MTREX: variants seen among roughly 807,000 people sequenced by gnomAD.
The protein encoded by MTREX is Mtr4 exosome RNA helicase.
A neutral mutation model predicts 135.4 loss-of-function variants in MTREX; 76 were observed. The ratio of observed to expected loss-of-function variants is 0.56; its 90% CI spans 0.47 to 0.68. The LOEUF is 0.68. Among genes scored for constraint, MTREX ranks in the 30% least tolerant of loss-of-function variants. The pLI is 0.00. For synonymous variants in MTREX, 404 were observed against 401.6 expected, an observed-to-expected ratio of 1.01 and a Z score of -0.07; for missense variants, 920 against 1,262.1, an observed-to-expected ratio of 0.73 and a Z score of 4.11.
chr5:55,341,964 TGATCCTAGGTAG>T (rs897559031), intron 7 of MTREX, among the ~76,000 whole-genome samples, 193 bp downstream of exon 7: 2 of 152,316 alleles, frequency 1.3e-5, no homozygotes, highest in African/African-American at 4.8e-5. Flanking sequence ...TTGAAGTGCA[TGATCCTAGGTAG>T]GATCCTAGGT....
At chr5:55,316,207 A>G (rs188969202) in intron 1 of MTREX, among the ~76,000 whole-genome samples, 4 of 152,294 alleles carry the variant, frequency 2.6e-5, no homozygotes, top group Non-Finnish European at 4.4e-5. Context: ...TACCAGATAT[A>G]CAAAGAAATG....
At chr5:55,361,901 G>GT (rs1554032676) in intron 15 of MTREX, among the ~76,000 whole-genome samples, 58 of 150,790 alleles carry the variant, frequency 3.8e-4, no homozygotes, top group East Asian at 9.9e-4. Flanking sequence ...CCTTGTTGTT[G>GT]TTGTTTGTTT....
At chr5:55,414,098 C>A in intron 23 of MTREX, 84 bp from the exon 24 acceptor site, 1 of 941,060 alleles carries the variant, frequency 1.1e-6, no homozygotes, top group Non-Finnish European at 1.6e-6. Flanking sequence ...ATCTTACAAG[C>A]TTTAATTTGT....
chr5:55,361,314 A>G (rs976661468), intron 15 of MTREX, among the ~76,000 whole-genome samples: 2 of 152,212 alleles, frequency 1.3e-5, no homozygotes, highest in South Asian at 2.1e-4. Flanking sequence ...TACTTTATAC[A>G]TTAGTATAAT....
intron 12 of MTREX, among the ~76,000 whole-genome samples, chr5:55,350,449 C>G (rs1197708429): frequency 2.0e-5 from 3 of 152,144 alleles, no homozygotes; most frequent in African/African-American, 7.2e-5. Flanking sequence ...TTATAGCGCA[C>G]TTCTAGTAGT....
rs559380669 is a variant in MTREX, at chr5:55,341,856, T to G, written c.781+85T>G. On this transcript the variant is annotated intron_variant, in intron 7 of 26. Transcript: ENST00000230640. The stretch of plus-strand genomic sequence containing the variant: ...TGAGCAAGTTATTGTTAAACTTTGC[T>G]TCTAGTTTTTGTGTGGCTAGGGTTC... 2.7e-5 allele frequency: 18 copies of G among 669,048 alleles called. No individual in the cohort carries two copies. In the Middle Eastern group the frequency reaches 1.3e-3, roughly 47 times the overall value. 41.4% of individuals were successfully genotyped at this position (669,048 alleles called of 1,614,324 possible).
intron 25 of MTREX, among the ~76,000 whole-genome samples, chr5:55,416,509 C>T (rs1166351141): frequency 6.6e-6 from 1 of 151,990 alleles, no homozygotes. Context: ...AATGATCAGT[C>T]ATTGCATATG....
intron 16 of MTREX, among the ~76,000 whole-genome samples, chr5:55,368,136 T>C (rs1057175670): frequency 6.6e-6 from 1 of 152,196 alleles, no homozygotes; most frequent in African/African-American, 2.4e-5. Flanking sequence ...ATTTAGTAGC[T>C]CATTGATTCT....
chr5:55,310,666 G>A (rs1191260137), intron 1 of MTREX, among the ~76,000 whole-genome samples: 1 of 152,136 alleles, frequency 6.6e-6, no homozygotes. Context: ...CTAACATTAT[G>A]CATAGTGTGA....
At chr5:55,325,343 T>G (rs7726715) in intron 3 of MTREX, among the ~76,000 whole-genome samples, 1,653 of 150,220 alleles carry the variant, frequency 0.011, 26 homozygotes, top group African/African-American at 0.036. Flanking sequence ...TTTTTTGTTT[T>G]TTTTTTTTTT....
intron 22 of MTREX, among the ~76,000 whole-genome samples, chr5:55,407,116 G>C (rs142155523): frequency 2.0e-4 from 30 of 152,296 alleles, no homozygotes; most frequent in African/African-American, 5.5e-4. Flanking sequence ...AGGATGGACA[G>C]GACTAGAGAA....
At chr5:55,344,674 A>T in intron 9 of MTREX, 54 bp downstream of exon 9, 2 of 1,017,860 alleles carry the variant, frequency 2.0e-6, no homozygotes, top group Non-Finnish European at 2.9e-6. Flanking sequence ...TATTATTAAT[A>T]TCTTGTTGTT....
chr5:55,310,379 T>A (rs1749091913), intron 1 of MTREX, among the ~76,000 whole-genome samples: 1 of 152,170 alleles, frequency 6.6e-6, no homozygotes, highest in South Asian at 2.1e-4. Context: ...AGGCGGAGGC[T>A]GGCAGATCAC....
chr5:55,342,339 C>T (rs950810918), intron 7 of MTREX, among the ~76,000 whole-genome samples: 2 of 152,154 alleles, frequency 1.3e-5, no homozygotes, highest in Non-Finnish European at 2.9e-5. Flanking sequence ...TAAAAGATGG[C>T]GTGCTTCTAA....
intron 25 of MTREX, among the ~76,000 whole-genome samples, 160 bp from the exon 26 acceptor site, chr5:55,422,718 T>C (rs1255985895): frequency 6.6e-6 from 1 of 152,214 alleles, no homozygotes; most frequent in Non-Finnish European, 1.5e-5. Flanking sequence ...AAGCCTTTCA[T>C]CTTTGTAGCT....
At position 55,324,181 on chromosome 5, in the gene MTREX, G is replaced by A. The variant is rs1460771670; in HGVS notation, c.322G>A (p.Glu108Lys). ...CAAGGTACAATCAGTTGAAACTGTT[G>A]AAGGGTGTACACATGAGGTAAGCAC... is the stretch of plus-strand genomic sequence containing the variant. The part of the protein sequence containing the change: ...RVKVQSVETV[E>K]GCTHEVALPA... The change falls in exon 3 of 27, where the codon GAA becomes AAA. Residue 108 changes from glutamate (E) to lysine (K), a missense_variant. Coordinates refer to ENST00000230640, the MANE Select transcript of MTREX (RefSeq NM_015360.5). 1 of 1,610,444 alleles carries A rather than the reference G, an allele frequency of 6.2e-7. No homozygotes were observed. Among genetic ancestry groups the A allele is most frequent in the African/African-American group, 1.3e-5 (1 of 74,380 alleles).
intron 16 of MTREX, among the ~76,000 whole-genome samples, chr5:55,375,851 G>A (rs1048512795): frequency 2.6e-5 from 4 of 152,146 alleles, no homozygotes; most frequent in East Asian, 1.9e-4. Flanking sequence ...CACAATCTAC[G>A]TTCTTCTGCC....
At chr5:55,345,326 T>C (rs1256896481) in intron 10 of MTREX, 130 bp downstream of exon 10, 2 of 653,930 alleles carry the variant, frequency 3.1e-6, no homozygotes, top group Admixed American at 3.0e-5. Context: ...TAAAATTGGA[T>C]AAATATTTAT....
intron 1 of MTREX, among the ~76,000 whole-genome samples, chr5:55,311,988 A>G (rs184959537): frequency 6.4e-4 from 98 of 152,228 alleles, no homozygotes; most frequent in Non-Finnish European, 1.1e-3. Context: ...TTCCTATTTC[A>G]TTACATCATA....
Sources: gnomAD v4.1 joint callset for allele counts (sites outside exome capture counted in the v4.1 genomes callset) on GRCh38, gnomAD v4.1.1 for gene constraint, MANE v1.5 for transcripts, NCBI Gene and HGNC (gene_info 2026-07-23, HGNC 2026-07-21) for gene names.